The following ZC3H12B variants were observed in gnomAD, a reference collection of about 807,000 sequenced individuals.
ZC3H12B encodes probable ribonuclease ZC3H12B.
ZC3H12B carries 7 observed loss-of-function variants against 43.9 expected under a neutral mutation model. The observed-to-expected ratio is 0.16, with a 90% CI of 0.09 to 0.30. The LOEUF is 0.30. ZC3H12B is among the 10% of genes least tolerant of loss of function. ZC3H12B has a pLI of 1.00. For synonymous variants in ZC3H12B, 222 were observed against 241.7 expected, an observed-to-expected ratio of 0.92 and a Z score of 0.76; for missense variants, 475 against 670.2, an observed-to-expected ratio of 0.71 and a Z score of 3.22.
chrX:65,233,338 T>C, the ZC3H12B span, among the ~76,000 whole-genome samples: 2 of 111,556 alleles, frequency 1.8e-5, no homozygotes, highest in Non-Finnish European at 3.8e-5. Context: ...GGATAGGCTA[T>C]ATGTTAGGCC....
chrX:65,167,823 T>C, the ZC3H12B span, among the ~76,000 whole-genome samples: 3 of 112,043 alleles, frequency 2.7e-5, no homozygotes, highest in Admixed American at 1.9e-4. Flanking sequence ...AGTTCACTCA[T>C]GATTTGGCTC....
At chrX:65,389,576 G>T (rs753485402) in intron 2 of ZC3H12B, among the ~76,000 whole-genome samples, 9 of 112,885 alleles carry the variant, frequency 8.0e-5, no homozygotes, top group Non-Finnish European at 1.5e-4. Context: ...CTGACCCGTT[G>T]TGCTTCCCAG....
chrX:65,256,964 A>T, the ZC3H12B span, among the ~76,000 whole-genome samples: 1 of 112,263 alleles, frequency 8.9e-6, no homozygotes. Context: ...CAGGTGCTGG[A>T]GAGGATGTGG....
intron 1 of ZC3H12B, among the ~76,000 whole-genome samples, chrX:65,496,433 G>A (rs1454461714): frequency 9.0e-6 from 1 of 110,996 alleles, no homozygotes; most frequent in Non-Finnish European, 1.9e-5. Context: ...TTAATTTTTT[G>A]TGAATATCTC....
the ZC3H12B span, among the ~76,000 whole-genome samples, chrX:65,274,614 C>A: frequency 3.7e-5 from 4 of 108,866 alleles, no homozygotes; most frequent in Non-Finnish European, 5.7e-5. Context: ...CTACCTAACC[C>A]CAAGCAGAAG....
chrX:65,092,643 T>C, the ZC3H12B span, among the ~76,000 whole-genome samples: 3 of 111,862 alleles, frequency 2.7e-5, no homozygotes, highest in African/African-American at 6.5e-5. Flanking sequence ...ATTTAAAGTA[T>C]CTGGCAGAAG....
At chrX:65,188,136 T>C in the ZC3H12B span, among the ~76,000 whole-genome samples, 3 of 111,671 alleles carry the variant, frequency 2.7e-5, no homozygotes, top group South Asian at 1.1e-3. Flanking sequence ...GATGATAAGA[T>C]CTCATTCATT....
At chrX:65,056,200 C>T in the ZC3H12B span, among the ~76,000 whole-genome samples, 1 of 111,697 alleles carries the variant, frequency 9.0e-6, no homozygotes, top group Admixed American at 9.5e-5. Flanking sequence ...AATTTTAGAT[C>T]TTTCCTGCTT....
At chrX:65,360,067 G>A in the ZC3H12B span, among the ~76,000 whole-genome samples, 2 of 112,028 alleles carry the variant, frequency 1.8e-5, no homozygotes, top group Non-Finnish European at 3.8e-5. Context: ...ATGATTGTTA[G>A]CATTTTCAGG....
the ZC3H12B span, among the ~76,000 whole-genome samples, chrX:65,041,566 A>G: frequency 8.9e-6 from 1 of 112,336 alleles, no homozygotes; most frequent in Admixed American, 9.4e-5. Context: ...GAGGTAGGTT[A>G]TGGTAAACTG....
At chrX:65,129,052 T>C in the ZC3H12B span, among the ~76,000 whole-genome samples, 2 of 110,714 alleles carry the variant, frequency 1.8e-5, no homozygotes, top group Non-Finnish European at 3.8e-5. Context: ...TAATTATTGA[T>C]GTGTTAGGGC....
chrX:65,426,957 A>G (rs2067090658), intron 3 of ZC3H12B, among the ~76,000 whole-genome samples: 4 of 111,743 alleles, frequency 3.6e-5, no homozygotes, highest in African/African-American at 1.3e-4. Flanking sequence ...GTGGAGAGTT[A>G]TGTAGATATC....
chrX:65,405,436 GT>G (rs1284169110), intron 3 of ZC3H12B, among the ~76,000 whole-genome samples: 5 of 111,202 alleles, frequency 4.5e-5, no homozygotes, highest in African/African-American at 1.6e-4. Context: ...CCTGGCCAAC[GT>G]GGTGAAACCC....
At chrX:65,224,199 G>C in the ZC3H12B span, among the ~76,000 whole-genome samples, 1 of 112,676 alleles carries the variant, frequency 8.9e-6, no homozygotes. Context: ...AGTAAATCAA[G>C]AATGGAAAAC....
intron 3 of ZC3H12B, among the ~76,000 whole-genome samples, chrX:65,431,669 T>C (rs891728149): frequency 1.8e-5 from 2 of 112,612 alleles, no homozygotes; most frequent in African/African-American, 6.4e-5. Context: ...CTTCACATTC[T>C]TTGCCCATTC....
In ZC3H12B at chrX:65,408,231, C is replaced by T. The variant is rs5964968; in HGVS notation, n.407+9527C>T. The T allele has an allele frequency of 0.049, 57,757 of 1,182,176 alleles. 13,730 individuals are homozygous for T. In the African/African-American group the frequency reaches 0.8, roughly 16 times the overall value. Reference sequence around the variant, plus strand: ...AGCCTTAAATTGGAATGTGAGTAACCGGCAAGTGAAAAGACAGAAATGCAG... The same window carrying T: ...AGCCTTAAATTGGAATGTGAGTAACTGGCAAGTGAAAAGACAGAAATGCAG... On this transcript the variant is annotated intron_variant and non_coding_transcript_variant, in intron 3 of 5. Transcript: ENST00000617377.
the ZC3H12B span, among the ~76,000 whole-genome samples, chrX:65,312,436 G>A: frequency 6.4e-5 from 7 of 109,091 alleles, no homozygotes; most frequent in African/African-American, 2.0e-4. Context: ...GCCTGCCACA[G>A]TAATGAATCT....
At chrX:65,388,023 T>A (rs188426441) in intron 2 of ZC3H12B, among the ~76,000 whole-genome samples, 1 of 112,540 alleles carries the variant, frequency 8.9e-6, no homozygotes, top group Admixed American at 9.4e-5. Flanking sequence ...GTTAGTCTGA[T>A]GGGCTTCCCT....
At chrX:65,189,656 C>A in the ZC3H12B span, among the ~76,000 whole-genome samples, 1 of 102,240 alleles carries the variant, frequency 9.8e-6, no homozygotes, top group Non-Finnish European at 2.0e-5. Context: ...TTGTTTTTTT[C>A]TTGTAAATTT....
Sources: gnomAD v4.1 joint callset for allele counts (sites outside exome capture counted in the v4.1 genomes callset) on GRCh38, gnomAD v4.1.1 for gene constraint, MANE v1.5 for transcripts, NCBI Gene and HGNC (gene_info 2026-07-23, HGNC 2026-07-21) for gene names.